The following PHKG1 variants were observed in gnomAD, a reference collection of about 807,000 sequenced individuals.
PHKG1 encodes the protein phosphorylase b kinase gamma catalytic chain, skeletal muscle/heart isoform.
Under a neutral mutation model 50.5 loss-of-function variants are expected in PHKG1, and 48 were observed. The observed-to-expected ratio is 0.95, with a 90% CI of 0.75 to 1.21. The LOEUF is 1.21. PHKG1 is among the 50% of genes most tolerant of loss of function. The pLI is 0.00. For missense variants in PHKG1, 487 were observed against 519.5 expected (o/e 0.94, Z 0.61); for synonymous variants, 204 against 212.8 (o/e 0.96, Z 0.36).
At chr7:56,086,038 T>C (rs1236986243) in intron 4 of PHKG1, among the ~76,000 whole-genome samples, 1 of 150,708 alleles carries the variant, frequency 6.6e-6, no homozygotes, top group Non-Finnish European at 1.5e-5. Context: ...CCAAACTCCT[T>C]ACTATGGCTA....
chr7:56,082,071 A>G (rs749221074), intron 7 of PHKG1, 25 bp from the exon 8 acceptor site: 15 of 1,609,330 alleles, frequency 9.3e-6, no homozygotes, highest in Non-Finnish European at 1.1e-5. Context: ...GCCCAGGGCC[A>G]CTTACCCAGC....
Position 56,083,295 on chromosome 7 carries a change from G to A in PHKG1, c.530C>T (p.Pro177Leu), listed in dbSNP as rs187745069. 190 of 1,613,840 alleles carry A rather than the reference G, an allele frequency of 1.2e-4. No homozygotes were observed. In the East Asian group the frequency reaches 3.2e-3, roughly 27 times the overall value. The change falls in exon 6 of 10, where the codon CCG (proline) becomes CTG (leucine). Residue 177 changes from proline (P) to leucine (L), a missense_variant. Coordinates refer to ENST00000297373, the MANE Select transcript of PHKG1 (RefSeq NM_006213.5). ...TACCAGACCTCGCAGCCTCTCTCCC[G>A]GCTCCAGCTGGCAGGAAAAGCCAAA... ...TDFGFSCQLE[P>L]GERLREVCGT...
At chr7:56,084,227 G>T (rs897048079) in intron 4 of PHKG1, 1 of 1,530,288 alleles carries the variant, frequency 6.5e-7, no homozygotes, top group Middle Eastern at 1.7e-4. Context: ...CATCTCCATT[G>T]TATCAGTGTC....
Position 56,088,889 on chromosome 7 carries a change from T to C in PHKG1, c.53A>G (p.Glu18Gly), listed in dbSNP as rs374228040. ...PDSHSAQDFY[E>G]NYEPKEILGR... ...CAGGATCTCTTTGGGCTCATAATTC[T>C]CATAGAAGTCCTGTGCAGAATGAGA... The change falls in exon 2 of 10, where the codon GAG (glutamate) becomes GGG (glycine). Residue 18 changes from glutamate (E) to glycine (G), a missense_variant. By Grantham distance (98) the Glu-to-Gly change is moderately conservative. Transcript: ENST00000297373. The C allele has an allele frequency of 6.2e-7, 1 of 1,613,686 alleles. No homozygotes were observed. The highest frequency in any genetic ancestry group is 8.5e-7 in the Non-Finnish European group (1 of 1,179,800).
At chr7:56,086,420 C>T (rs1438984244) in intron 4 of PHKG1, among the ~76,000 whole-genome samples, 2 of 152,126 alleles carry the variant, frequency 1.3e-5, no homozygotes, top group Non-Finnish European at 2.9e-5. Context: ...TGCCTGTAAT[C>T]CCAGCACTTT....
chr7:56,084,370 A>AT (rs534790677), intron 4 of PHKG1: 29,408 of 406,046 alleles, frequency 0.072, 73 homozygotes, highest in East Asian at 0.094. Context: ...GAGTATCCCG[A>AT]TTTTTTTTTT....
At chr7:56,085,952 C>T (rs977659069) in intron 4 of PHKG1, among the ~76,000 whole-genome samples, 49 of 146,540 alleles carry the variant, frequency 3.3e-4, no homozygotes, top group African/African-American at 1.0e-3. Flanking sequence ...CCAGCCTGGG[C>T]GACAATAGCA....
rs568732075 is a variant in PHKG1 at position 56,082,391 on chromosome 7, G to C, written c.548-138C>G. 3.7e-5 allele frequency: 23 copies of C among 619,834 alleles called. No individual in the cohort carries two copies. The South Asian group carries it at 4.6e-4, about 12-fold the overall frequency. 38.4% of individuals were successfully genotyped at this position (619,834 alleles called of 1,614,324 possible). The stretch of plus-strand genomic sequence containing the variant: ...GTGGCTCATCTGAGGCCAGGAGTTC[G>C]AGACCAGCCTGGCCAACATGGCGAA... On this transcript the variant is annotated intron_variant, in intron 6 of 9. Transcript: ENST00000297373.
Position 56,081,369 on chromosome 7 carries a change from A to T in PHKG1, c.919-70T>A. ...CAGGCCCTGCCCCTCCAGCACAGGG[A>T]CGCTCTGGGCTCGTTTGCCACGAAG... On this transcript the variant is annotated intron_variant, in intron 9 of 9. Coordinates refer to ENST00000297373, the MANE Select transcript of PHKG1 (RefSeq NM_006213.5). This position sits in a 1 kb window ranked among gnomAD's most constrained non-coding sequence, Gnocchi z 4.6. 13 of 1,527,652 alleles carry T rather than the reference A, an allele frequency of 8.5e-6. No individual in the cohort carries two copies. The South Asian group carries it at 1.5e-4, about 18-fold the overall frequency. 94.6% of individuals were successfully genotyped at this position (1,527,652 alleles called of 1,614,324 possible).
intron 6 of PHKG1, among the ~76,000 whole-genome samples, chr7:56,082,573 CAGAG>C (rs1316918998): frequency 6.6e-6 from 1 of 151,550 alleles, no homozygotes; most frequent in Non-Finnish European, 1.5e-5. Context: ...AGCCTGGTGA[CAGAG>C]TGAGACTCTG....
chr7:56,090,494 C>T (rs1351206297), intron 1 of PHKG1, among the ~76,000 whole-genome samples: 2 of 152,188 alleles, frequency 1.3e-5, no homozygotes, highest in African/African-American at 2.4e-5. Context: ...ATTCTGCAGA[C>T]ACTGAACACC....
At chr7:56,084,622 C>CTCAGCCTCCCAAAGTGT (rs925231206) in intron 4 of PHKG1, among the ~76,000 whole-genome samples, 5 of 152,034 alleles carry the variant, frequency 3.3e-5, no homozygotes, top group South Asian at 4.2e-4. Flanking sequence ...GATCACCCGT[C>CTCAGCCTCCCAAAGTGT]TCAGCCTCCC....
chr7:56,083,699 G>T lies in PHKG1; in HGVS notation c.334C>A (p.Leu112Ile). ...LVFDLMKRGE[L>I]FDYLTEKVTL... ...ACCTTCTCAGTGAGGTAGTCAAAGA[G>T]CTCCCCTCTCTTCATCCTGTGGAAA... The change falls in exon 5 of 10, where the codon CTC (leucine) becomes ATC (isoleucine). Residue 112 changes from leucine to isoleucine, a missense_variant. Transcript: ENST00000297373. 1 of 1,581,368 alleles carries T rather than the reference G, an allele frequency of 6.3e-7. No homozygotes were observed. The highest frequency in any genetic ancestry group is 8.6e-7 in the Non-Finnish European group (1 of 1,160,556).
chr7:56,084,472 C>A (rs1314919670), intron 4 of PHKG1, among the ~76,000 whole-genome samples: 1 of 149,860 alleles, frequency 6.7e-6, no homozygotes, highest in Non-Finnish European at 1.5e-5. Context: ...CTCCCAGGTT[C>A]AAGCAATTCT....
Position 56,087,697 on chromosome 7 carries a change from C to T in PHKG1, c.163G>A (p.Gly55Ser), listed in dbSNP as rs141566748. 944 of 1,613,942 alleles carry T rather than the reference C, an allele frequency of 5.8e-4. 1 individual carries two copies. The highest frequency in any genetic ancestry group is 7.5e-4 in the Non-Finnish European group (882 of 1,179,998). Residue 55 changes from glycine (G) to serine (S), a missense_variant, in exon 3 of 10, where the codon GGT becomes AGT. Gly to Ser is a moderately conservative substitution (Grantham distance 56). Transcript: ENST00000297373. Reference sequence around the variant, plus strand: ...TCCTCCGGGCTGAAGCTGCCTCCACCGGTGACGTCGATGACCTTCACGGCG... The same window carrying T: ...TCCTCCGGGCTGAAGCTGCCTCCACTGGTGACGTCGATGACCTTCACGGCG... ...EYAVKVIDVT[G>S]GGSFSPEEVR...
rs761623899 is a variant in PHKG1 at position 56,088,929 on chromosome 7, C to T, written c.13G>A (p.Glu5Lys). 4.9e-5 allele frequency: 79 copies of T among 1,612,764 alleles called. No individual in the cohort carries two copies. The East Asian group carries it at 6.9e-4, about 14-fold the overall frequency. The change falls in exon 2 of 10, where the codon GAG becomes AAG. Residue 5 changes from glutamate to lysine, a missense_variant. Coordinates refer to ENST00000297373, the MANE Select transcript of PHKG1 (RefSeq NM_006213.5). MTRD[E>K]ALPDSHSAQD... is the part of the protein sequence containing the mutation. ...GCAGAATGAGAGTCCGGCAGTGCCT[C>T]GTCCCGGGTCATGCTCAGATCTTCA...
Position 56,080,622 on chromosome 7 carries a change from T to C in PHKG1, c.*432A>G, listed in dbSNP as rs1251248656. The C allele has an allele frequency of 4.8e-6, 1 of 207,942 alleles. No homozygotes were observed. Among genetic ancestry groups the C allele is most frequent in the Non-Finnish European group, 9.8e-6 (1 of 102,158 alleles). The allele number at this position is 207,942 out of a possible 1,614,324, so 12.9% of individuals were successfully genotyped here. Reference sequence around the variant, plus strand: ...TGGAGAGTAGCCTGCTCCCACACTGTCACTGGATGTCATGGGGCCAATAAA... The same window carrying C: ...TGGAGAGTAGCCTGCTCCCACACTGCCACTGGATGTCATGGGGCCAATAAA... On this transcript the variant is annotated 3_prime_UTR_variant, in exon 10 of 10. Transcript: ENST00000297373.
At position 56,087,712 on chromosome 7, in the gene PHKG1, C is replaced by T. The variant is rs1398939012; in HGVS notation, c.148G>A (p.Val50Ile). Residue 50 changes from valine (V) to isoleucine (I), a missense_variant, in exon 3 of 10, where the codon GTC (valine) becomes ATC (isoleucine). Physicochemically the swap from Val to Ile is conservative, Grantham distance 29 (BLOSUM62 3). Transcript: ENST00000297373. Reference protein sequence around the residue: ...KPTSQEYAVKVIDVTGGGSFS... With the variant: ...KPTSQEYAVKIIDVTGGGSFS... ...CTGCCTCCACCGGTGACGTCGATGA[C>T]CTTCACGGCGTACTCCTGGCTCGTG... 1.9e-6 allele frequency: 3 copies of T among 1,613,784 alleles called. No individual in the cohort carries two copies. The highest frequency in any genetic ancestry group is 4.5e-5 in the East Asian group (2 of 44,868).
intron 4 of PHKG1, chr7:56,084,358 G>A (rs1005804582): frequency 7.1e-6 from 4 of 566,478 alleles, no homozygotes; most frequent in Admixed American, 3.4e-5. Context: ...TCAGAAGGAC[G>A]TGAGTATCCC....
Sources: gnomAD v4.1 joint callset for allele counts (sites outside exome capture counted in the v4.1 genomes callset) on GRCh38, gnomAD v4.1.1 for gene constraint, Gnocchi (gnomAD v3.1) non-coding constraint, MANE v1.5 for transcripts, NCBI Gene and HGNC (gene_info 2026-07-23, HGNC 2026-07-21) for gene names.